Variants in FRMD4A observed in about 807,000 individuals in gnomAD.
The protein encoded by FRMD4A is FERM domain containing 4A, also known as FERM domain-containing protein 4A.
In FRMD4A, 29 loss-of-function variants were observed where a neutral mutation model predicts 129.1. The ratio of observed to expected loss-of-function variants is 0.22; its 90% confidence interval spans 0.17 to 0.31. The LOEUF is 0.31. FRMD4A is among the 10% of genes least tolerant of loss of function. FRMD4A has a pLI of 1.00. For missense variants in FRMD4A, 1,272 were observed against 1,375.8 expected (o/e 0.92, Z 1.19); for synonymous variants, 634 against 571.6 (o/e 1.11, Z -1.56).
chr10:13,899,695 G>A (rs905145156), intron 2 of FRMD4A, among the ~76,000 whole-genome samples: 8 of 152,200 alleles, frequency 5.3e-5, no homozygotes, highest in Non-Finnish European at 1.0e-4. Context: ...CCACATGCCT[G>A]AGGGGACTCT....
chr10:14,140,581 C>T (rs1266389568), intron 2 of FRMD4A, among the ~76,000 whole-genome samples: 1 of 152,170 alleles, frequency 6.6e-6, no homozygotes, highest in Non-Finnish European at 1.5e-5. Flanking sequence ...CTCCTTGAAA[C>T]TCTTCCCCCA....
chr10:14,185,815 G>C (rs530623327), intron 2 of FRMD4A, among the ~76,000 whole-genome samples: 2 of 152,222 alleles, frequency 1.3e-5, no homozygotes, highest in African/African-American at 4.8e-5. Flanking sequence ...GAATAGGGTA[G>C]ACAGGGCAGG....
intron 2 of FRMD4A, 72 bp downstream of exon 2, chr10:14,329,983 GGCA>G: frequency 2.9e-6 from 4 of 1,356,002 alleles, no homozygotes; most frequent in Non-Finnish European, 3.1e-6. Flanking sequence ...CCACTGCAGC[GGCA>G]GCAGCAGCCC....
intron 2 of FRMD4A, among the ~76,000 whole-genome samples, chr10:13,921,452 G>A (rs1321825796): frequency 6.6e-6 from 1 of 151,956 alleles, no homozygotes. Context: ...GTAGAGATCA[G>A]GTCTCAGTAT....
intron 2 of FRMD4A, among the ~76,000 whole-genome samples, chr10:13,947,598 A>G (rs2095341295): frequency 6.7e-6 from 1 of 149,994 alleles, no homozygotes. Flanking sequence ...GCATACACAC[A>G]CACACACGTG....
chr10:14,273,771 G>A (rs982020259), intron 2 of FRMD4A, among the ~76,000 whole-genome samples: 1 of 152,192 alleles, frequency 6.6e-6, no homozygotes, highest in Non-Finnish European at 1.5e-5. Flanking sequence ...GAGTGGAGAG[G>A]AGGACTTTGG....
Position 14,178,662 on chromosome 10 carries a change from T to A in FRMD4A, c.45+151396A>T, listed in dbSNP as rs919905630. On this transcript the variant is annotated intron_variant, in intron 2 of 24. Transcript: ENST00000357447. ...ATTAGGCACCCTAACACCCTTGACATTGATCAATGTTACCAAAGTATCCAG... is the reference window on the plus strand; with the variant it reads ...ATTAGGCACCCTAACACCCTTGACAATGATCAATGTTACCAAAGTATCCAG... 5.9e-5 allele frequency among the ~76,000 whole-genome samples: 9 copies of A among 152,234 alleles called. 1 individual carries two copies. Among genetic ancestry groups the A allele is most frequent in the Admixed American group, 6.5e-5 (1 of 15,284 alleles).
intron 2 of FRMD4A, among the ~76,000 whole-genome samples, chr10:14,013,672 C>A (rs1337457321): frequency 6.6e-6 from 1 of 152,154 alleles, no homozygotes; most frequent in East Asian, 1.9e-4. Context: ...TGACTCATGC[C>A]TGTAATCCCA....
chr10:14,090,282 T>C (rs1277609052), intron 2 of FRMD4A, among the ~76,000 whole-genome samples: 1 of 152,104 alleles, frequency 6.6e-6, no homozygotes, highest in Non-Finnish European at 1.5e-5. Context: ...TCATAATACT[T>C]CATGTAGATC....
chr10:13,801,471 C>A (rs1350375229), intron 4 of FRMD4A, among the ~76,000 whole-genome samples: 1 of 152,220 alleles, frequency 6.6e-6, no homozygotes, highest in Non-Finnish European at 1.5e-5. Flanking sequence ...GAGAGGCAGA[C>A]TTTCCCAAAC....
intron 2 of FRMD4A, among the ~76,000 whole-genome samples, chr10:14,052,171 A>T (rs1293052858): frequency 6.6e-6 from 1 of 152,108 alleles, no homozygotes; most frequent in Non-Finnish European, 1.5e-5. Flanking sequence ...GGCATGGAAC[A>T]CACTCTCCCT....
chr10:13,704,244 T>C (rs1214182778), intron 13 of FRMD4A, among the ~76,000 whole-genome samples: 1 of 152,228 alleles, frequency 6.6e-6, no homozygotes, highest in African/African-American at 2.4e-5. Context: ...ATAACTGACC[T>C]GAAGCCATTT....
At chr10:13,848,166 C>A (rs928614978) in intron 3 of FRMD4A, among the ~76,000 whole-genome samples, 1 of 152,176 alleles carries the variant, frequency 6.6e-6, no homozygotes, top group Admixed American at 6.5e-5. Flanking sequence ...TATCCTGAGG[C>A]TCCCATCTGC....
intron 2 of FRMD4A, among the ~76,000 whole-genome samples, chr10:14,170,995 G>A (rs1440902374): frequency 3.3e-5 from 5 of 149,322 alleles, no homozygotes; most frequent in Admixed American, 1.4e-4. Context: ...TGAATCACAA[G>A]ACGCTGAATA....
At chr10:14,011,164 G>T (rs2095680936) in intron 2 of FRMD4A, among the ~76,000 whole-genome samples, 1 of 152,182 alleles carries the variant, frequency 6.6e-6, no homozygotes, top group African/African-American at 2.4e-5. Flanking sequence ...CAGCAGTTTG[G>T]AAATCCCAAA....
chr10:13,941,097 T>C (rs2095288411), intron 2 of FRMD4A, among the ~76,000 whole-genome samples: 1 of 152,204 alleles, frequency 6.6e-6, no homozygotes, highest in Non-Finnish European at 1.5e-5. Flanking sequence ...TCGTGTGATA[T>C]GGTTTGGCTG....
At chr10:14,232,228 T>C (rs1361779000) in intron 2 of FRMD4A, among the ~76,000 whole-genome samples, 1 of 152,218 alleles carries the variant, frequency 6.6e-6, no homozygotes, top group Non-Finnish European at 1.5e-5. Flanking sequence ...TTGTCAAAGA[T>C]TGGATGGTTG....
chr10:13,750,136 G>GAA (rs1226039429), intron 8 of FRMD4A, among the ~76,000 whole-genome samples: 1 of 150,398 alleles, frequency 6.6e-6, no homozygotes, highest in African/African-American at 2.5e-5. Context: ...AAGAAAGAAA[G>GAA]AAAGAAAGAA....
At chr10:13,942,438 G>C (rs1052780492) in intron 2 of FRMD4A, among the ~76,000 whole-genome samples, 12 of 152,122 alleles carry the variant, frequency 7.9e-5, no homozygotes, top group Non-Finnish European at 1.5e-4. Context: ...ACTGAGCTAC[G>C]GGCCCTCAAG....
Sources: gnomAD v4.1 joint callset for allele counts (sites outside exome capture counted in the v4.1 genomes callset) on GRCh38, gnomAD v4.1.1 for gene constraint, MANE v1.5 for transcripts, NCBI Gene and HGNC (gene_info 2026-07-23, HGNC 2026-07-21) for gene names.